The following PTPRN2 variants were observed in gnomAD, a reference collection of about 807,000 sequenced individuals.
PTPRN2 encodes the protein protein tyrosine phosphatase receptor type N2.
In PTPRN2, 74 loss-of-function variants were observed where a neutral mutation model predicts 118.8. The observed-to-expected ratio is 0.62, with a 90% CI of 0.52 to 0.76. The LOEUF (loss-of-function observed/expected upper bound fraction) is 0.76. Among genes scored for constraint, PTPRN2 ranks in the 30% least tolerant of loss-of-function variants. The pLI, the probability that PTPRN2 is intolerant of heterozygous loss-of-function variation, is 0.00. For synonymous variants in PTPRN2, 641 were observed against 608.0 expected, an observed-to-expected ratio of 1.05 and a Z score of -0.80; for missense variants, 1,481 against 1,394.4, an observed-to-expected ratio of 1.06 and a Z score of -0.99.
intron 11 of PTPRN2, among the ~76,000 whole-genome samples, chr7:157,946,855 T>G (rs2128797312): frequency 6.6e-6 from 1 of 152,298 alleles, no homozygotes; most frequent in South Asian, 2.1e-4. Flanking sequence ...AAACCACCAG[T>G]GTGGACGGCC....
intron 3 of PTPRN2, among the ~76,000 whole-genome samples, chr7:158,275,003 A>C (rs796796658): frequency 2.1e-4 from 32 of 152,288 alleles, no homozygotes; most frequent in African/African-American, 7.7e-4. Flanking sequence ...GTCTCCCCCC[A>C]AAATAGGGAG....
chr7:157,954,888 A>AT, intron 11 of PTPRN2, among the ~76,000 whole-genome samples: 1 of 152,320 alleles, frequency 6.6e-6, no homozygotes, highest in African/African-American at 2.4e-5. Flanking sequence ...CTGCAAAATT[A>AT]TTTTTTAAGA....
At chr7:158,209,084 A>G (rs1372625899) in intron 3 of PTPRN2, among the ~76,000 whole-genome samples, 1 of 151,102 alleles carries the variant, frequency 6.6e-6, no homozygotes, top group Non-Finnish European at 1.5e-5. Flanking sequence ...AGAAATTAAA[A>G]CATACCACCA....
intron 2 of PTPRN2, among the ~76,000 whole-genome samples, chr7:158,318,002 G>A (rs988782034): frequency 1.3e-5 from 2 of 152,178 alleles, no homozygotes; most frequent in South Asian, 2.1e-4. Flanking sequence ...GCGGGCGGGC[G>A]GACAATGGCA....
rs185677857 is a variant in PTPRN2 at position 158,530,026 on chromosome 7, C to T, written c.113-40241G>A. On this transcript the variant is annotated intron_variant, in intron 1 of 22. Coordinates refer to ENST00000389418, the MANE Select transcript of PTPRN2 (RefSeq NM_002847.5). ...CCACATGCACACCCCTAACTTAAGG[C>T]CTAGCTCCAAGTTTCTGTCACAACC... Among the ~76,000 whole-genome samples, 308 of 152,226 alleles carry T rather than the reference C, an allele frequency of 2.0e-3. 2 individuals are homozygous for T. The highest frequency in any genetic ancestry group is 7.1e-3 in the African/African-American group (293 of 41,522).
intron 3 of PTPRN2, among the ~76,000 whole-genome samples, chr7:158,258,456 CTG>C (rs1441153292): frequency 6.6e-6 from 1 of 152,248 alleles, no homozygotes. Context: ...CGAGACGACC[CTG>C]TGAGTACGCA....
In PTPRN2 at chr7:157,785,676, C is replaced by T. The variant is rs1803988433; in HGVS notation, c.1789-102739G>A. ...AGAGACGGAGACCGTGGGCACAGCA[C>T]ACCAAGGGGGAGCCTGCTCAGAGAT... On this transcript the variant is annotated intron_variant, in intron 12 of 22. Coordinates refer to ENST00000389418, the MANE Select transcript of PTPRN2 (RefSeq NM_002847.5). This position sits in a 1 kb window ranked among gnomAD's most constrained non-coding sequence, Gnocchi z 7.3. 6.6e-6 allele frequency among the ~76,000 whole-genome samples: 1 copy of T among 152,138 alleles called. No individual in the cohort carries two copies. Among genetic ancestry groups the T allele is most frequent in the Admixed American group, 6.5e-5 (1 of 15,278 alleles).
At chr7:157,616,760 C>T (rs1758743179) in intron 15 of PTPRN2, 1 of 151,734 alleles carries the variant, frequency 6.6e-6, no homozygotes, top group South Asian at 2.1e-4. Context: ...ACGTATTCAT[C>T]TTTAAAAGCA....
chr7:158,150,566 T>C (rs2150524260), intron 6 of PTPRN2, among the ~76,000 whole-genome samples: 1 of 152,156 alleles, frequency 6.6e-6, no homozygotes, highest in Non-Finnish European at 1.5e-5. Flanking sequence ...AGTGGGCATT[T>C]CTAGAAGGTC....
rs150466806 is a variant in PTPRN2 at position 157,987,066 on chromosome 7, A to G, written c.1724-88329T>C. Among the ~76,000 whole-genome samples the G allele has an allele frequency of 3.1e-3, 469 of 152,170 alleles. No homozygotes were observed. Among genetic ancestry groups the G allele is most frequent in the African/African-American group, 0.011 (455 of 41,522 alleles). On this transcript the variant is annotated intron_variant, in intron 11 of 22. Coordinates refer to ENST00000389418, the MANE Select transcript of PTPRN2 (RefSeq NM_002847.5). This position sits in a 1 kb window ranked among gnomAD's most constrained non-coding sequence, Gnocchi z 4.3. ...GCCGGTACACATCTAGGGAGTGATGATCCCCCTCCACCAGCCAGTGGGGAA... is the reference window on the plus strand; with the variant it reads ...GCCGGTACACATCTAGGGAGTGATGGTCCCCCTCCACCAGCCAGTGGGGAA...
chr7:158,059,100 A>C lies in PTPRN2; in HGVS notation c.1723+22198T>G, dbSNP rs868136692. Among the ~76,000 whole-genome samples the C allele has an allele frequency of 2.9e-5, 3 of 105,044 alleles. 1 individual carries two copies. Among genetic ancestry groups the C allele is most frequent in the African/African-American group, 1.4e-4 (3 of 21,300 alleles). The allele number at this position is 105,044 out of a possible 152,430, so 68.9% of individuals were successfully genotyped here. Reference sequence around the variant, plus strand: ...CTGCAGCCACACTCCATCTGCCCACAGTGAGACACCACTGCAGCCACACTC... The same window carrying C: ...CTGCAGCCACACTCCATCTGCCCACCGTGAGACACCACTGCAGCCACACTC... On this transcript the variant is annotated intron_variant, in intron 11 of 22. Transcript: ENST00000389418.
chr7:157,576,833 C>T lies in PTPRN2; in HGVS notation c.2617-54G>A, dbSNP rs1313415905. The T allele has an allele frequency of 1.5e-5, 23 of 1,484,442 alleles. No individual in the cohort carries two copies. In the Middle Eastern group the frequency reaches 6.9e-4, roughly 45 times the overall value. 92.0% of individuals were successfully genotyped at this position (1,484,442 alleles called of 1,614,324 possible). A position where few individuals can be genotyped will look rare whatever the true frequency, so the allele number is the denominator to read the frequency against. On this transcript the variant is annotated intron_variant, in intron 18 of 22. Transcript: ENST00000389418. ...AGAGACAGGTGTGGACATTGTGAAC[C>T]GAACCTCAGGCACTGAGGAACCCAG...
rs116047738 is a variant in PTPRN2 at position 158,491,914 on chromosome 7, C to T, written c.113-2129G>A. 8.8e-3 allele frequency among the ~76,000 whole-genome samples: 1,342 copies of T among 152,298 alleles called. 17 individuals are homozygous for T. Among genetic ancestry groups the T allele is most frequent in the African/African-American group, 0.03 (1,261 of 41,546 alleles). On this transcript the variant is annotated intron_variant, in intron 1 of 22. Coordinates refer to ENST00000389418, the MANE Select transcript of PTPRN2 (RefSeq NM_002847.5). ...AGAGGAGGTGAACGGCCTACAGGAGCGTGGCAGGGAACGTTCTGAGAGACA... is the reference window on the plus strand; with the variant it reads ...AGAGGAGGTGAACGGCCTACAGGAGTGTGGCAGGGAACGTTCTGAGAGACA...
In PTPRN2 at chr7:158,525,207, C is replaced by G. The variant is rs541419605; in HGVS notation, c.113-35422G>C. On this transcript the variant is annotated intron_variant, in intron 1 of 22. Transcript: ENST00000389418. The surrounding 1 kb of genome is among the most constrained non-coding windows in gnomAD (Gnocchi z 4.1). ...AGCACAGCGTGAGGCAGGCCCTGAC[C>G]GCTCTGGAAGGAAAAGCACCTCTGG... is the stretch of plus-strand genomic sequence containing the variant. 6.6e-6 allele frequency among the ~76,000 whole-genome samples: 1 copy of G among 152,156 alleles called. No homozygotes were observed. The highest frequency in any genetic ancestry group is 1.5e-5 in the Non-Finnish European group (1 of 68,012).
At chr7:157,812,821 G>A (rs926395936) in intron 12 of PTPRN2, among the ~76,000 whole-genome samples, 7 of 152,130 alleles carry the variant, frequency 4.6e-5, no homozygotes, top group African/African-American at 7.2e-5. Flanking sequence ...TTCCCGGAGC[G>A]GTAGCCCAGG....
intron 2 of PTPRN2, among the ~76,000 whole-genome samples, chr7:158,443,174 G>A (rs574037804): frequency 3.9e-5 from 6 of 152,074 alleles, no homozygotes; most frequent in East Asian, 1.9e-4. Context: ...CTGGGCGAGC[G>A]GGTCTTTGTG....
chr7:158,223,635 A>G (rs1260645356), intron 3 of PTPRN2, among the ~76,000 whole-genome samples: 1 of 152,200 alleles, frequency 6.6e-6, no homozygotes, highest in Non-Finnish European at 1.5e-5. Flanking sequence ...GAAAACTTTC[A>G]GAAAAATAGA....
chr7:158,247,659 C>T (rs1416706676), intron 3 of PTPRN2, among the ~76,000 whole-genome samples: 1 of 152,140 alleles, frequency 6.6e-6, no homozygotes, highest in Non-Finnish European at 1.5e-5. Flanking sequence ...TCTTGTGGCC[C>T]AGGCTGGAGT....
intron 11 of PTPRN2, among the ~76,000 whole-genome samples, chr7:158,061,453 G>A (rs1002043928): frequency 1.3e-5 from 2 of 152,188 alleles, no homozygotes; most frequent in African/African-American, 2.4e-5. Context: ...CAACACAAGC[G>A]CTCGGCAGAG....
Sources: allele counts gnomAD v4.1 joint callset (sites outside exome capture counted in the v4.1 genomes callset), GRCh38; gene constraint gnomAD v4.1.1; non-coding constraint Gnocchi (gnomAD v3.1); transcripts MANE v1.5; gene names NCBI Gene and HGNC (gene_info 2026-07-23, HGNC 2026-07-21).